AGPAT5: variants seen among roughly 807,000 people sequenced by gnomAD.
AGPAT5 encodes the protein 1-acylglycerol-3-phosphate O-acyltransferase 5.
Under a neutral mutation model 45.6 loss-of-function variants are expected in AGPAT5, and 46 were observed. That is an observed-to-expected ratio of 1.01 (90% CI 0.80 to 1.29). AGPAT5 has a LOEUF of 1.29. Among genes scored for constraint, AGPAT5 ranks in the 50% most tolerant of loss-of-function variants. The probability of loss-of-function intolerance (pLI) is 0.00; values close to 1 mark genes in which losing one functional copy is unlikely to be tolerated. For missense variants in AGPAT5, 673 were observed against 450.7 expected (o/e 1.49, Z -4.47); for synonymous variants, 272 against 167.0 (o/e 1.63, Z -4.85).
At chr8:6,712,100 A>C (rs1188773657) in intron 1 of AGPAT5, among the ~76,000 whole-genome samples, 1 of 152,178 alleles carries the variant, frequency 6.6e-6, no homozygotes, top group Admixed American at 6.5e-5. Context: ...TTCGTAGTTT[A>C]ACTTGCCTTA....
chr8:6,715,468 C>A (rs1383601639), intron 1 of AGPAT5, among the ~76,000 whole-genome samples: 6 of 152,180 alleles, frequency 3.9e-5, no homozygotes, highest in Admixed American at 1.3e-4. Flanking sequence ...CACTCAGTCG[C>A]AGTTAGTGAG....
chr8:6,727,843 T>C (rs1800738571), intron 2 of AGPAT5, among the ~76,000 whole-genome samples: 1 of 152,356 alleles, frequency 6.6e-6, no homozygotes, highest in African/African-American at 2.4e-5. Flanking sequence ...AATGCTGTTC[T>C]GCAATAGGCT....
intron 3 of AGPAT5, 80 bp from the exon 4 acceptor site, chr8:6,732,481 A>C (rs1800895785): frequency 1.1e-5 from 12 of 1,052,086 alleles, no homozygotes; most frequent in Non-Finnish European, 1.6e-5. Flanking sequence ...ACTTTTTGCA[A>C]GAGAAGTTGC....
At chr8:6,746,966 C>T (rs1268941132) in intron 5 of AGPAT5, among the ~76,000 whole-genome samples, 1 of 152,104 alleles carries the variant, frequency 6.6e-6, no homozygotes, top group African/African-American at 2.4e-5. Flanking sequence ...CAGTAGTCCC[C>T]CAGCTAAAGA....
intron 4 of AGPAT5, 104 bp downstream of exon 4, chr8:6,732,754 GTAATTAC>G (rs756114238): frequency 9.7e-6 from 10 of 1,029,786 alleles, no homozygotes; most frequent in Non-Finnish European, 1.4e-5. Context: ...TTTCCCATGT[GTAATTAC>G]TAATTCAGGG....
At chr8:6,731,232 A>G (rs1342784750) in intron 3 of AGPAT5, among the ~76,000 whole-genome samples, 1 of 152,198 alleles carries the variant, frequency 6.6e-6, no homozygotes, top group African/African-American at 2.4e-5. Flanking sequence ...AATGGGTTTA[A>G]TAGTTTATTC....
At chr8:6,724,149 C>G (rs189494939) in intron 1 of AGPAT5, among the ~76,000 whole-genome samples, 8 of 152,194 alleles carry the variant, frequency 5.3e-5, no homozygotes, top group Non-Finnish European at 8.8e-5. Flanking sequence ...TAAAAATAAA[C>G]TGGAATGATG....
intron 2 of AGPAT5, among the ~76,000 whole-genome samples, chr8:6,730,107 T>C (rs2116895053): frequency 6.6e-6 from 1 of 152,074 alleles, no homozygotes; most frequent in East Asian, 1.9e-4. Context: ...AAAAAAACTT[T>C]GTTTTCTAGA....
chr8:6,734,269 A>AAT (rs1800966605), intron 4 of AGPAT5, among the ~76,000 whole-genome samples: 1 of 143,692 alleles, frequency 7.0e-6, no homozygotes, highest in African/African-American at 2.5e-5. Flanking sequence ...TTTTTTTTTA[A>AAT]TTTTTTTTTT....
chr8:6,722,486 A>C (rs1436175871), intron 1 of AGPAT5, among the ~76,000 whole-genome samples: 2 of 152,254 alleles, frequency 1.3e-5, no homozygotes, highest in African/African-American at 4.8e-5. Context: ...ATTTTTTAAC[A>C]AAGAATGCTG....
intron 1 of AGPAT5, among the ~76,000 whole-genome samples, chr8:6,717,310 A>G (rs749863486): frequency 6.6e-6 from 1 of 152,186 alleles, no homozygotes; most frequent in Non-Finnish European, 1.5e-5. Flanking sequence ...AGTGTAAGTA[A>G]TATTTGGAAG....
intron 1 of AGPAT5, among the ~76,000 whole-genome samples, chr8:6,714,209 A>C (rs1800247588): frequency 6.6e-6 from 1 of 152,236 alleles, no homozygotes; most frequent in Admixed American, 6.5e-5. Context: ...CTTATTTGCC[A>C]TTCATGTGAA....
At chr8:6,728,559 G>T (rs1344682022) in intron 2 of AGPAT5, among the ~76,000 whole-genome samples, 2 of 151,996 alleles carry the variant, frequency 1.3e-5, no homozygotes, top group African/African-American at 2.4e-5. Context: ...TCTTGGGAGG[G>T]GCATGTGAGG....
chr8:6,742,179 C>G (rs1801264104), intron 5 of AGPAT5, among the ~76,000 whole-genome samples: 1 of 152,142 alleles, frequency 6.6e-6, no homozygotes, highest in South Asian at 2.1e-4. Flanking sequence ...GCTGAGCTTG[C>G]TTCTTCATCT....
chr8:6,738,102 C>A (rs1801115029), intron 4 of AGPAT5, among the ~76,000 whole-genome samples: 2 of 152,212 alleles, frequency 1.3e-5, no homozygotes, highest in African/African-American at 4.8e-5. Context: ...ACTTTTAATT[C>A]TCTTTAAGAA....
rs1452072689 is a variant in AGPAT5 at position 6,760,435 on chromosome 8, G to A, written c.*3047G>A. Among the ~76,000 whole-genome samples, 1 of 151,986 alleles carries A rather than the reference G, an allele frequency of 6.6e-6. No individual in the cohort carries two copies. The highest frequency in any genetic ancestry group is 1.5e-5 in the Non-Finnish European group (1 of 68,006). Reference sequence around the variant, plus strand: ...AAGGAAATATAGAAATATAAAATTTGCTTATTATAGACACACAGTAACTCC... The same window carrying A: ...AAGGAAATATAGAAATATAAAATTTACTTATTATAGACACACAGTAACTCC... On this transcript the variant is annotated 3_prime_UTR_variant, in exon 8 of 8. Transcript: ENST00000285518.
At chr8:6,716,038 A>T (rs948981720) in intron 1 of AGPAT5, among the ~76,000 whole-genome samples, 1 of 151,964 alleles carries the variant, frequency 6.6e-6, no homozygotes, top group Non-Finnish European at 1.5e-5. Flanking sequence ...CCCACATTAG[A>T]CCGCTCCTCT....
intron 1 of AGPAT5, among the ~76,000 whole-genome samples, chr8:6,709,820 G>T (rs1172754669): frequency 6.6e-6 from 1 of 152,046 alleles, no homozygotes; most frequent in East Asian, 1.9e-4. Context: ...GATGGCCCCA[G>T]TTGGAAGTTG....
At chr8:6,715,057 C>A (rs902214138) in intron 1 of AGPAT5, among the ~76,000 whole-genome samples, 2 of 152,136 alleles carry the variant, frequency 1.3e-5, no homozygotes. Context: ...CCCTTAATTC[C>A]TGCAATATTC....
Sources: gnomAD v4.1 joint callset for allele counts (sites outside exome capture counted in the v4.1 genomes callset) on GRCh38, gnomAD v4.1.1 for gene constraint, MANE v1.5 for transcripts, NCBI Gene and HGNC (gene_info 2026-07-23, HGNC 2026-07-21) for gene names.